Variants in NDUFA10 observed in about 807,000 individuals in gnomAD.
NDUFA10 encodes NADH:ubiquinone oxidoreductase subunit A10, also known as NADH dehydrogenase [ubiquinone] 1 alpha subcomplex subunit 10, mitochondrial.
A neutral mutation model predicts 47.8 loss-of-function variants in NDUFA10; 40 were observed. That is an observed-to-expected ratio of 0.84 (90% confidence interval 0.65 to 1.09). The LOEUF (loss-of-function observed/expected upper bound fraction) is 1.09. Ranked by LOEUF, NDUFA10 falls within the 50% of genes least tolerant of loss-of-function variation. The pLI is 0.00. For synonymous variants in NDUFA10, 183 were observed against 172.2 expected (o/e 1.06, Z -0.49); for missense variants, 413 against 451.1 (o/e 0.92, Z 0.76).
At chr2:239,976,003 T>C (rs1339584534) in intron 9 of NDUFA10, among the ~76,000 whole-genome samples, 2 of 152,200 alleles carry the variant, frequency 1.3e-5, no homozygotes, top group Non-Finnish European at 2.9e-5. Context: ...TTTTAAAATT[T>C]ATCTGATAGG....
intron 4 of NDUFA10, among the ~76,000 whole-genome samples, chr2:239,909,698 A>G (rs1223483221): frequency 2.6e-5 from 4 of 152,236 alleles, no homozygotes; most frequent in Non-Finnish European, 5.9e-5. Flanking sequence ...CAAAGATTTC[A>G]TGATAAAAAA....
intron 4 of NDUFA10, chr2:240,017,864 G>A (rs1192110090): frequency 6.4e-7 from 1 of 1,572,502 alleles, no homozygotes; most frequent in Admixed American, 1.8e-5. Flanking sequence ...CTTCCTCTGA[G>A]CTCCCAGATT....
chr2:239,983,678 C>A, intron 9 of NDUFA10: 1 of 1,575,730 alleles, frequency 6.3e-7, no homozygotes. Context: ...TGCTTCACCT[C>A]TGTGGATTCC....
chr2:239,994,621 C>T (rs962737803), intron 8 of NDUFA10, among the ~76,000 whole-genome samples: 10 of 152,050 alleles, frequency 6.6e-5, no homozygotes, highest in African/African-American at 2.2e-4. Context: ...TGAAACCATC[C>T]ACCCATCCCC....
At chr2:239,898,148 G>A (rs531642913) in intron 4 of NDUFA10, among the ~76,000 whole-genome samples, 13 of 152,326 alleles carry the variant, frequency 8.5e-5, no homozygotes, top group African/African-American at 2.6e-4. Context: ...CACAAATGGA[G>A]TCAGGACTGT....
chr2:239,922,996 A>G (rs1197471228), intron 4 of NDUFA10, among the ~76,000 whole-genome samples: 1 of 152,246 alleles, frequency 6.6e-6, no homozygotes, highest in Non-Finnish European at 1.5e-5. Flanking sequence ...GTTGGCTTAA[A>G]AGAAGAGAAG....
intron 9 of NDUFA10, among the ~76,000 whole-genome samples, chr2:239,964,670 T>C (rs1415945124): frequency 5.3e-5 from 8 of 152,120 alleles, no homozygotes; most frequent in South Asian, 4.2e-4. Flanking sequence ...GCCAGAGAGC[T>C]GTGAAAGCAG....
At chr2:239,921,465 T>C (rs1693981472) in intron 4 of NDUFA10, among the ~76,000 whole-genome samples, 1 of 152,054 alleles carries the variant, frequency 6.6e-6, no homozygotes, top group Non-Finnish European at 1.5e-5. Context: ...CCTATCAGAG[T>C]GCCCTTTTTT....
intron 4 of NDUFA10, among the ~76,000 whole-genome samples, chr2:239,949,168 T>C (rs1574799744): frequency 6.6e-6 from 1 of 152,350 alleles, no homozygotes. Context: ...CAACTGCTGA[T>C]TGAGCGACTT....
rs759607402 is a variant in NDUFA10 at position 239,906,140 on chromosome 2, G to A, written c.295-10826C>T. Reference sequence around the variant, plus strand: ...CATGACCTTCGGGGGCTCTGGGCGGGCCCTGCTCTGTGCCTAGATATTTCA... The same window carrying A: ...CATGACCTTCGGGGGCTCTGGGCGGACCCTGCTCTGTGCCTAGATATTTCA... On this transcript the variant is annotated intron_variant, in intron 4 of 5. Coordinates refer to the NDUFA10 transcript ENST00000419408. The surrounding 1 kb of genome is among the most constrained non-coding windows in gnomAD (Gnocchi z 4.3). 2.4e-4 allele frequency among the ~76,000 whole-genome samples: 36 copies of A among 152,100 alleles called. No individual in the cohort carries two copies. Among genetic ancestry groups the A allele is most frequent in the Non-Finnish European group, 4.6e-4 (31 of 68,010 alleles).
intron 2 of NDUFA10, 41 bp downstream of exon 2, chr2:240,022,131 T>C: frequency 6.4e-7 from 1 of 1,562,962 alleles, no homozygotes; most frequent in Non-Finnish European, 8.8e-7. Flanking sequence ...CAACCATATA[T>C]CTGAGAAAAA....
chr2:239,975,686 C>T (rs1695489844), intron 9 of NDUFA10, among the ~76,000 whole-genome samples: 1 of 152,206 alleles, frequency 6.6e-6, no homozygotes, highest in Admixed American at 6.5e-5. Context: ...CTCAGTCTCT[C>T]TGCTCTTTCC....
At position 239,960,880 on chromosome 2, in the gene NDUFA10, T is replaced by C; in HGVS notation, c.*238A>G. 2.8e-6 allele frequency: 4 copies of C among 1,418,464 alleles called. No individual in the cohort carries two copies. Among genetic ancestry groups the C allele is most frequent in the Non-Finnish European group, 3.7e-6 (4 of 1,080,880 alleles). The allele number at this position is 1,418,464 out of a possible 1,614,324, so 87.9% of individuals were successfully genotyped here. On this transcript the variant is annotated 3_prime_UTR_variant, in exon 10 of 10. Coordinates refer to ENST00000252711, the MANE Select transcript of NDUFA10 (RefSeq NM_004544.4). ...GCAGACCACTGTTTTCCAGTGAGAA[T>C]GGTGGGCCATTCCAAAACAAAGCTA...
rs1280477111 is a variant in NDUFA10, at chr2:239,928,915, C to T, written c.295-33601G>A. On this transcript the variant is annotated intron_variant, in intron 4 of 5. Transcript: ENST00000419408. This position sits in a 1 kb window ranked among gnomAD's most constrained non-coding sequence, Gnocchi z 4.3. ...GACTCCGAAACGCTTTGTCTCCCAT[C>T]GCCCCGCGGCCACCCGGATCCCACT... 1.3e-5 allele frequency among the ~76,000 whole-genome samples: 2 copies of T among 152,216 alleles called. No homozygotes were observed. Among genetic ancestry groups the T allele is most frequent in the East Asian group, 1.9e-4 (1 of 5,168 alleles).
chr2:239,937,234 C>A (rs1051200154), intron 4 of NDUFA10, among the ~76,000 whole-genome samples: 1 of 152,204 alleles, frequency 6.6e-6, no homozygotes, highest in Non-Finnish European at 1.5e-5. Context: ...GCTTCTATAC[C>A]ATAAAATACA....
At chr2:239,950,067 C>T (rs545165144) in intron 4 of NDUFA10, among the ~76,000 whole-genome samples, 1 of 152,294 alleles carries the variant, frequency 6.6e-6, no homozygotes, top group South Asian at 2.1e-4. Context: ...TCCCCACCTG[C>T]AGCCAAGCTT....
chr2:239,892,524 T>C (rs1335204979), exon 6 of NDUFA10: 1 of 152,228 alleles, frequency 6.6e-6, no homozygotes, highest in Non-Finnish European at 1.5e-5. Flanking sequence ...TGGTTGCACA[T>C]AACCGAATGA....
At chr2:239,992,685 C>G (rs1455800505) in intron 8 of NDUFA10, among the ~76,000 whole-genome samples, 1 of 152,174 alleles carries the variant, frequency 6.6e-6, no homozygotes, top group African/African-American at 2.4e-5. Context: ...CTGACGTGTC[C>G]TCGGAGGTCC....
At chr2:239,925,035 G>A (rs982567632) in intron 4 of NDUFA10, among the ~76,000 whole-genome samples, 13 of 152,184 alleles carry the variant, frequency 8.5e-5, no homozygotes, top group African/African-American at 2.9e-4. Context: ...ACTACAAAAT[G>A]TTAATGAGAT....
Sources: allele counts gnomAD v4.1 joint callset (sites outside exome capture counted in the v4.1 genomes callset), GRCh38; gene constraint gnomAD v4.1.1; non-coding constraint Gnocchi (gnomAD v3.1); transcripts MANE v1.5; gene names NCBI Gene and HGNC (gene_info 2026-07-23, HGNC 2026-07-21).